ZNF285: variants seen among roughly 807,000 people sequenced by gnomAD.
ZNF285 encodes zinc finger protein 285A.
In ZNF285, 4 loss-of-function variants were observed where a neutral mutation model predicts 6.2. That is an observed-to-expected ratio of 0.65 (90% CI 0.32 to 1.49). ZNF285 has a LOEUF of 1.49. Ranked by LOEUF, ZNF285 falls within the 40% of genes most tolerant of loss-of-function variation. The pLI is 0.07. For synonymous variants in ZNF285, 240 were observed against 245.8 expected (o/e 0.98, Z 0.22); for missense variants, 695 against 708.8 (o/e 0.98, Z 0.22).
intron 3 of ZNF285, 105 bp from the exon 4 acceptor site, chr19:44,388,207 T>C (rs1971132229): frequency 1.9e-6 from 2 of 1,049,036 alleles, no homozygotes; most frequent in Non-Finnish European, 1.4e-6. Context: ...CTGGGTTCTA[T>C]TGACGTATGA....
rs1971042741 is a variant in ZNF285 at position 44,384,618 on chromosome 19, GA to G, written c.*1853del. The G allele has an allele frequency of 6.6e-6, 1 of 151,652 alleles. No homozygotes were observed. The highest frequency in any genetic ancestry group is 2.1e-4 in the South Asian group (1 of 4,806). The allele number at this position is 151,652 out of a possible 1,614,324, so 9.4% of individuals were successfully genotyped here. A position where few individuals can be genotyped will look rare whatever the true frequency, so the allele number is the denominator to read the frequency against. The stretch of plus-strand genomic sequence containing the variant: ...GAAACTGTAATGCAAGAAAAACTAG[GA>G]ATAAACCATGATCCAAATGAAGAAA... On this transcript the variant is annotated 3_prime_UTR_variant, in exon 4 of 4. Coordinates refer to ENST00000614994, the MANE Select transcript of ZNF285 (RefSeq NM_152354.6).
intron 2 of ZNF285, among the ~76,000 whole-genome samples, chr19:44,395,047 G>A (rs1971257248): frequency 6.6e-6 from 1 of 152,116 alleles, no homozygotes; most frequent in South Asian, 2.1e-4. Flanking sequence ...TAGAGCCTGG[G>A]AAAACAAAAC....
At position 44,387,090 on chromosome 19, in the gene ZNF285, G is replaced by A. The variant is rs774298310; in HGVS notation, c.1155C>T (p.Ser385=). The A allele has an allele frequency of 2.5e-5, 41 of 1,613,946 alleles. No homozygotes were observed. Among genetic ancestry groups the A allele is most frequent in the Non-Finnish European group, 9.3e-6 (11 of 1,180,006 alleles). ...EECGKGFDQS[S]NLLVHQRVHT... ...GGACTCTCTGATGGACAAGAAGGTT[G>A]GAGCTCTGATCAAAGCCCTTCCCAC... The change falls in exon 4 of 4, where the codon TCC becomes TCT. Residue 385 remains serine (S), a synonymous_variant. Coordinates refer to ENST00000614994, the MANE Select transcript of ZNF285 (RefSeq NM_152354.6).
At chr19:44,397,446 G>A (rs1408815724) in intron 1 of ZNF285, among the ~76,000 whole-genome samples, 190 bp from the exon 2 acceptor site, 3 of 152,090 alleles carry the variant, frequency 2.0e-5, no homozygotes, top group African/African-American at 7.2e-5. Context: ...CTCAATCTCA[G>A]ACCACTGTGT....
intron 1 of ZNF285, among the ~76,000 whole-genome samples, chr19:44,401,161 T>C (rs1971369765): frequency 6.6e-6 from 1 of 152,010 alleles, no homozygotes; most frequent in Non-Finnish European, 1.5e-5. Context: ...AGCAAATCCC[T>C]CATCCCATTC....
chr19:44,387,012 T>C lies in ZNF285; in HGVS notation c.1233A>G (p.Ser411=), dbSNP rs1231970028. 1 of 1,613,842 alleles carries C rather than the reference T, an allele frequency of 6.2e-7. No homozygotes were observed. Among genetic ancestry groups the C allele is most frequent in the Non-Finnish European group, 8.5e-7 (1 of 1,180,002 alleles). The part of the protein sequence containing the change: ...KCSECGKCFS[S]SSVLQVHWRF... ...TCCAGTGGACTTGAAGAACGGAGCT[T>C]GAACTAAAGCACTTGCCACACTCAC... The change falls in exon 4 of 4, where the codon TCA becomes TCG. Residue 411 remains serine, a synonymous_variant. Transcript: ENST00000614994.
At chr19:44,395,604 T>A (rs570131332) in intron 2 of ZNF285, among the ~76,000 whole-genome samples, 1 of 152,172 alleles carries the variant, frequency 6.6e-6, no homozygotes, top group Admixed American at 6.5e-5. Flanking sequence ...ATTTCATTAG[T>A]CCATTTTTAA....
intron 3 of ZNF285, among the ~76,000 whole-genome samples, chr19:44,391,152 C>T (rs1352657253): frequency 1.7e-5 from 2 of 114,652 alleles, no homozygotes; most frequent in Admixed American, 1.9e-4. Flanking sequence ...GACTCCATCT[C>T]AAAAAAAAAA....
intron 2 of ZNF285, among the ~76,000 whole-genome samples, chr19:44,394,990 G>A (rs1488639034): frequency 6.6e-6 from 1 of 152,104 alleles, no homozygotes; most frequent in Non-Finnish European, 1.5e-5. Flanking sequence ...GTTAGGAATA[G>A]AGGTTCACAC....
At chr19:44,388,941 C>A (rs1971146348) in intron 3 of ZNF285, among the ~76,000 whole-genome samples, 1 of 144,154 alleles carries the variant, frequency 6.9e-6, no homozygotes, top group Admixed American at 7.0e-5. Flanking sequence ...GATAAAAAGG[C>A]AATGGGGATT....
intron 2 of ZNF285, among the ~76,000 whole-genome samples, chr19:44,392,837 T>C (rs1971220429): frequency 6.6e-6 from 1 of 152,136 alleles, no homozygotes; most frequent in Non-Finnish European, 1.5e-5. Context: ...TATACTAAGG[T>C]GTTGTGCTGA....
At chr19:44,398,951 C>T (rs946390005) in intron 1 of ZNF285, among the ~76,000 whole-genome samples, 66 of 151,582 alleles carry the variant, frequency 4.4e-4, no homozygotes, top group Non-Finnish European at 9.4e-4. Flanking sequence ...GACTGATATT[C>T]TGGTAAGATA....
rs771813849 is a variant in ZNF285, at chr19:44,386,678, G to A, written c.1567C>T (p.Arg523Trp). The stretch of plus-strand genomic sequence containing the variant: ...AGGTGAACATTAAGATCTGAATTCC[G>A]GCTGAAGCCTTTACCACACTCATCA... ...KCDECGKGFS[R>W]NSDLNVHLRV... The change falls in exon 4 of 4, where the codon CGG becomes TGG. Residue 523 changes from arginine to tryptophan, a missense_variant. Coordinates refer to ENST00000614994, the MANE Select transcript of ZNF285 (RefSeq NM_152354.6). The A allele has an allele frequency of 4.3e-6, 7 of 1,614,096 alleles. No individual in the cohort carries two copies. Among genetic ancestry groups the A allele is most frequent in the East Asian group, 2.2e-5 (1 of 44,872 alleles).
chr19:44,397,884 G>GA (rs61478336), intron 1 of ZNF285, among the ~76,000 whole-genome samples: 31,589 of 95,266 alleles, frequency 0.33, 4,985 homozygotes, highest in East Asian at 0.6. Flanking sequence ...TCTCAAAAGA[G>GA]AAAAAAAAAA....
At chr19:44,392,314 C>T (rs779785192) in intron 3 of ZNF285, 26 bp downstream of exon 3, 1 of 1,613,552 alleles carries the variant, frequency 6.2e-7, no homozygotes, top group Non-Finnish European at 8.5e-7. Context: ...GAAACAGGTC[C>T]AGTGGTCTCA....
chr19:44,395,093 C>G (rs562807899), intron 2 of ZNF285, among the ~76,000 whole-genome samples: 1 of 152,258 alleles, frequency 6.6e-6, no homozygotes, highest in South Asian at 2.1e-4. Flanking sequence ...CTGGATGGAT[C>G]CCTTGTGGGA....
At chr19:44,392,673 T>C (rs1971217623) in intron 2 of ZNF285, 3 of 915,118 alleles carry the variant, frequency 3.3e-6, no homozygotes, top group Admixed American at 4.0e-5. Context: ...CAGACAGCTC[T>C]GCTCTCACTG....
At chr19:44,391,194 CTT>C (rs1240209922) in intron 3 of ZNF285, among the ~76,000 whole-genome samples, 1 of 151,832 alleles carries the variant, frequency 6.6e-6, no homozygotes, top group Admixed American at 6.6e-5. Context: ...GCTCTCTTCT[CTT>C]GTCTGCCACC....
At chr19:44,388,233 G>A (rs796197461) in intron 3 of ZNF285, 131 bp from the exon 4 acceptor site, 39 of 805,418 alleles carry the variant, frequency 4.8e-5, no homozygotes, top group Non-Finnish European at 6.2e-5. Flanking sequence ...TTAGAGCCAC[G>A]GTAATTCTAA....
Sources: allele counts gnomAD v4.1 joint callset (sites outside exome capture counted in the v4.1 genomes callset), GRCh38; gene constraint gnomAD v4.1.1; transcripts MANE v1.5; gene names NCBI Gene and HGNC (gene_info 2026-07-23, HGNC 2026-07-21).